Variants in KRT86 observed in about 807,000 individuals in gnomAD.
KRT86 encodes keratin 86, also known as keratin, type II cuticular Hb6.
KRT86 carries 30 observed loss-of-function variants against 41.2 expected under a neutral mutation model. The observed-to-expected ratio is 0.73, with a 90% CI of 0.54 to 0.99. KRT86 has a LOEUF of 0.99. Among genes scored for constraint, KRT86 ranks in the 50% least tolerant of loss-of-function variants. The pLI, the probability that KRT86 is intolerant of heterozygous loss-of-function variation, is 0.00. For missense variants in KRT86, 561 were observed against 571.4 expected, an observed-to-expected ratio of 0.98 and a Z score of 0.19; for synonymous variants, 238 against 238.1, an observed-to-expected ratio of 1.00 and a Z score of 0.00.
In KRT86 at chr12:52,302,077, T is replaced by C. The variant is rs574036785; in HGVS notation, c.161T>C (p.Phe54Ser). 1.8e-5 allele frequency: 28 copies of C among 1,595,730 alleles called. 1 individual carries two copies. In the South Asian group the frequency reaches 2.4e-4, roughly 14 times the overall value. ...GGCAGCCACAGCGTGTGCGGAGGCT[T>C]TCGGGCCGGCTCCTGCGGACGCAGC... ...GFGSHSVCGG[F>S]RAGSCGRSFG... Residue 54 changes from phenylalanine to serine, a missense_variant, in exon 3 of 11, where the codon TTT (phenylalanine) becomes TCT (serine). Around this residue, in one of 3 missense-constraint regions of KRT86, gnomAD observed 164 missense variants for 172.5 expected, o/e 0.95. Coordinates refer to ENST00000423955, the MANE Select transcript of KRT86 (RefSeq NM_001320198.2).
intron 2 of KRT86, among the ~76,000 whole-genome samples, chr12:52,288,765 T>C (rs568109612): frequency 6.6e-6 from 1 of 152,114 alleles, no homozygotes; most frequent in African/African-American, 2.4e-5. Flanking sequence ...ACCCTGACCC[T>C]TTCCTGTCCC....
intron 2 of KRT86, among the ~76,000 whole-genome samples, chr12:52,292,676 ATTTT>A (rs909486480): frequency 1.4e-4 from 20 of 143,864 alleles, no homozygotes; most frequent in African/African-American, 5.2e-4. Flanking sequence ...ATTTATTTTT[ATTTT>A]ATTTATTGTT....
intron 2 of KRT86, among the ~76,000 whole-genome samples, chr12:52,283,008 T>C (rs1336498820): frequency 2.0e-5 from 3 of 152,152 alleles, no homozygotes; most frequent in African/African-American, 7.2e-5. Context: ...GCAGAATGAA[T>C]ATACAAACAA....
At chr12:52,301,742 A>C in intron 2 of KRT86, 171 bp from the exon 3 acceptor site, 1 of 1,318,622 alleles carries the variant, frequency 7.6e-7, no homozygotes, top group Non-Finnish European at 1.1e-6. Context: ...GACAGCAGCT[A>C]AACAACCCAA....
At chr12:52,305,097 A>G in intron 6 of KRT86, 70 bp downstream of exon 6, 1 of 1,608,714 alleles carries the variant, frequency 6.2e-7, no homozygotes, top group Non-Finnish European at 8.5e-7. Context: ...GGAGTGTTGG[A>G]CAGGATGTGG....
At chr12:52,308,153 A>C in intron 9 of KRT86, 80 bp from the exon 10 acceptor site, 3 of 1,592,746 alleles carry the variant, frequency 1.9e-6, no homozygotes, top group Non-Finnish European at 2.6e-6. Context: ...ATGGAGGGCC[A>C]CAGATGTCCC....
At chr12:52,286,673 C>G in intron 2 of KRT86, 1 of 1,256,076 alleles carries the variant, frequency 8.0e-7, no homozygotes, top group Non-Finnish European at 1.1e-6. Flanking sequence ...CAAATCCCTC[C>G]TGTTGTGATG....
At chr12:52,286,976 C>A in intron 2 of KRT86, 1 of 1,568,866 alleles carries the variant, frequency 6.4e-7, no homozygotes, top group South Asian at 1.1e-5. Context: ...CAGCCCTCCC[C>A]ACACCGGAAG....
chr12:52,287,905 G>A (rs1231474145), intron 2 of KRT86: 4 of 1,612,110 alleles, frequency 2.5e-6, no homozygotes, highest in Non-Finnish European at 3.4e-6. Context: ...AGCATCCCCA[G>A]AAAAGGAAGC....
intron 2 of KRT86, among the ~76,000 whole-genome samples, chr12:52,285,505 T>C (rs892848732): frequency 1.3e-5 from 2 of 152,162 alleles, no homozygotes; most frequent in African/African-American, 4.8e-5. Flanking sequence ...GCCTCAAGCT[T>C]TGAGTGATTG....
intron 2 of KRT86, chr12:52,288,039 T>C: frequency 6.2e-7 from 1 of 1,614,226 alleles, no homozygotes; most frequent in Non-Finnish European, 8.5e-7. Flanking sequence ...AATGTCGTCA[T>C]ACTGTGCCTT....
chr12:52,287,297 G>A (rs1937977553), intron 2 of KRT86: 3 of 1,614,024 alleles, frequency 1.9e-6, no homozygotes, highest in South Asian at 1.1e-5. Context: ...CTCAGACTGG[G>A]CCACCGCGGC....
chr12:52,291,514 G>A (rs1174716412), intron 2 of KRT86: 1 of 1,606,334 alleles, frequency 6.2e-7, no homozygotes, highest in Admixed American at 1.7e-5. Context: ...GGGACCTGGA[G>A]TCCTGATGGA....
intron 2 of KRT86, among the ~76,000 whole-genome samples, chr12:52,292,971 T>C (rs1429861856): frequency 1.3e-5 from 2 of 152,176 alleles, no homozygotes; most frequent in Non-Finnish European, 2.9e-5. Context: ...AGACCAGAGA[T>C]GGTGAAACCC....
chr12:52,285,985 G>C (rs932814933), intron 2 of KRT86: 2 of 523,030 alleles, frequency 3.8e-6, no homozygotes, highest in South Asian at 4.3e-5. Context: ...GGCAGTTGCC[G>C]TGGGCAAGGT....
chr12:52,286,196 T>C (rs1937922532), intron 2 of KRT86: 2 of 1,417,482 alleles, frequency 1.4e-6, no homozygotes, highest in Non-Finnish European at 1.9e-6. Flanking sequence ...CTGGACTGGA[T>C]GGGCCAAGCA....
Position 52,275,876 on chromosome 12 carries a change from A to G in KRT86, c.-75A>G. The G allele has an allele frequency of 3.0e-6, 3 of 985,976 alleles. No homozygotes were observed. Among genetic ancestry groups the G allele is most frequent in the Non-Finnish European group, 3.6e-6 (3 of 829,972 alleles). The allele number at this position is 985,976 out of a possible 1,614,324, so 61.1% of individuals were successfully genotyped here. ...CACACGCAGAGCCTGAAGCCCAGCA[A>G]GGAGGATCTGAACAGGCTTAATCAG... On this transcript the variant is annotated 5_prime_UTR_variant, in exon 2 of 11. Coordinates refer to ENST00000423955, the MANE Select transcript of KRT86 (RefSeq NM_001320198.2).
At chr12:52,293,412 C>CA (rs1398238287) in intron 2 of KRT86, among the ~76,000 whole-genome samples, 2 of 152,150 alleles carry the variant, frequency 1.3e-5, no homozygotes, top group African/African-American at 4.8e-5. Flanking sequence ...TAAGCTGTGA[C>CA]AACCCCTTGA....
At chr12:52,305,838 G>T (rs748373800) in intron 8 of KRT86, 50 bp downstream of exon 8, 2 of 1,613,878 alleles carry the variant, frequency 1.2e-6, no homozygotes, top group Non-Finnish European at 1.7e-6. Context: ...TCTAACCATG[G>T]TCACACAGCC....
Sources: gnomAD v4.1 joint callset for allele counts (sites outside exome capture counted in the v4.1 genomes callset) on GRCh38, gnomAD v4.1.1 for gene constraint, gnomAD v4.1.1 regional missense constraint, MANE v1.5 for transcripts, NCBI Gene and HGNC (gene_info 2026-07-23, HGNC 2026-07-21) for gene names.